CAMK4: variants seen among roughly 807,000 people sequenced by gnomAD.
CAMK4 encodes the protein calcium/calmodulin dependent protein kinase IV, also known as calcium/calmodulin-dependent protein kinase type IV.
CAMK4 carries 22 observed loss-of-function variants against 44.9 expected under a neutral mutation model. The ratio of observed to expected loss-of-function variants is 0.49; its 90% CI spans 0.35 to 0.70. The LOEUF (loss-of-function observed/expected upper bound fraction) is 0.70. Ranked by LOEUF, CAMK4 falls within the 30% of genes least tolerant of loss-of-function variation. CAMK4 has a pLI of 0.01. For synonymous variants in CAMK4, 218 were observed against 215.4 expected (o/e 1.01, Z -0.11); for missense variants, 498 against 586.8 (o/e 0.85, Z 1.56).
chr5:111,416,661 G>C (rs1297707537), intron 5 of CAMK4: 8 of 152,174 alleles, frequency 5.3e-5, no homozygotes, highest in Admixed American at 5.2e-4. Context: ...TGCTGTGAAA[G>C]TCATTGAGTT....
At chr5:111,357,929 G>A (rs912337417) in intron 2 of CAMK4, 1 of 152,022 alleles carries the variant, frequency 6.6e-6, no homozygotes, top group Non-Finnish European at 1.5e-5. Flanking sequence ...CTAGAACTCA[G>A]GGCTTTTGAA....
rs549622534 is a variant in CAMK4 at position 111,290,617 on chromosome 5, C to A, written c.162-53407C>A. 1.3e-5 allele frequency among the ~76,000 whole-genome samples: 2 copies of A among 152,248 alleles called. No homozygotes were observed. The highest frequency in any genetic ancestry group is 4.1e-4 in the South Asian group (2 of 4,826). ...AAGGGGAACGTTTTGTTCAGTGACT[C>A]TTGAGCTGGGCACAGACAAGCACTA... On this transcript the variant is annotated intron_variant, in intron 1 of 10. Transcript: ENST00000282356. This position sits in a 1 kb window ranked among gnomAD's most constrained non-coding sequence, Gnocchi z 4.5.
intron 5 of CAMK4, among the ~76,000 whole-genome samples, chr5:111,428,838 C>T (rs575625783): frequency 1.1e-4 from 16 of 152,008 alleles, no homozygotes; most frequent in Admixed American, 1.0e-3. Flanking sequence ...TATCAATATC[C>T]AAGTACAAGG....
intron 2 of CAMK4, among the ~76,000 whole-genome samples, chr5:111,345,656 T>TA (rs1434195029): frequency 1.3e-5 from 2 of 151,906 alleles, no homozygotes; most frequent in African/African-American, 4.8e-5. Context: ...AGGAAATAAA[T>TA]ACTTAGAAAT....
chr5:111,418,954 AC>A (rs1580726798), intron 5 of CAMK4, among the ~76,000 whole-genome samples: 1 of 152,086 alleles, frequency 6.6e-6, no homozygotes. Context: ...TTGGGTATAT[AC>A]CCAGTAATGG....
At chr5:111,411,424 G>A (rs1207632709) in intron 5 of CAMK4, among the ~76,000 whole-genome samples, 2 of 152,226 alleles carry the variant, frequency 1.3e-5, no homozygotes, top group Non-Finnish European at 2.9e-5. Flanking sequence ...TTAGTTCTAA[G>A]AGTTGTCAAT....
chr5:111,424,230 G>GA lies in CAMK4; in HGVS notation c.460-22449dup, dbSNP rs892362493. Among the ~76,000 whole-genome samples the GA allele has an allele frequency of 5.3e-5, 8 of 152,062 alleles. No homozygotes were observed. In the East Asian group the frequency reaches 7.7e-4, roughly 15 times the overall value. On this transcript the variant is annotated intron_variant, in intron 5 of 10. Coordinates refer to ENST00000282356, the MANE Select transcript of CAMK4 (RefSeq NM_001744.6). Reference sequence around the variant, plus strand: ...ATCCATTTTAAAAGTCACATAGCAGGAAAAAAAGTCATACACCTTTAAAAG... The same window carrying GA: ...ATCCATTTTAAAAGTCACATAGCAGGAAAAAAAAGTCATACACCTTTAAAAG...
chr5:111,334,894 A>G (rs1749331613), intron 1 of CAMK4, among the ~76,000 whole-genome samples: 1 of 151,576 alleles, frequency 6.6e-6, no homozygotes, highest in Non-Finnish European at 1.5e-5. Context: ...AGCATCTTCA[A>G]CATTAGAAAA....
chr5:111,337,727 A>G (rs1008095012), intron 1 of CAMK4, among the ~76,000 whole-genome samples: 5 of 151,140 alleles, frequency 3.3e-5, no homozygotes, highest in African/African-American at 1.2e-4. Context: ...GGTCATTGGC[A>G]CTAGTAAGGT....
At chr5:111,327,380 T>G (rs1481095557) in intron 1 of CAMK4, among the ~76,000 whole-genome samples, 1 of 152,136 alleles carries the variant, frequency 6.6e-6, no homozygotes, top group African/African-American at 2.4e-5. Flanking sequence ...GGTGTATATG[T>G]GCCACATTTT....
intron 5 of CAMK4, among the ~76,000 whole-genome samples, chr5:111,433,243 T>C (rs1753525822): frequency 6.6e-6 from 1 of 152,172 alleles, no homozygotes. Context: ...CTCAAAGGTT[T>C]AAAAGGGCTT....
At chr5:111,393,647 CAT>C (rs1751890503) in intron 4 of CAMK4, among the ~76,000 whole-genome samples, 2 of 152,082 alleles carry the variant, frequency 1.3e-5, no homozygotes, top group Admixed American at 1.3e-4. Flanking sequence ...CCAAATACCA[CAT>C]GTTCTCACTA....
In CAMK4 at chr5:111,406,194, TTCTCTC is replaced by T. The variant is rs10524853; in HGVS notation, c.459+11437_459+11442del. On this transcript the variant is annotated intron_variant, in intron 5 of 10. Transcript: ENST00000282356. ...TCCTGTTTCCTTCTCCTAATTTATT[TTCTCTC>T]TCTCTCTCTCTCTCTCTCTCTCTCG... is the stretch of plus-strand genomic sequence containing the variant. Among the ~76,000 whole-genome samples, 1,188 of 136,848 alleles carry T rather than the reference TTCTCTC, an allele frequency of 8.7e-3. 17 individuals carry two copies. Among genetic ancestry groups the T allele is most frequent in the African/African-American group, 0.031 (1,087 of 35,280 alleles). The allele number at this position is 136,848 out of a possible 152,430, so 89.8% of individuals were successfully genotyped here. A position where few individuals can be genotyped will look rare whatever the true frequency, so the allele number is the denominator to read the frequency against.
chr5:111,402,472 CTGAG>C (rs1248263195), intron 5 of CAMK4, among the ~76,000 whole-genome samples: 3 of 152,198 alleles, frequency 2.0e-5, no homozygotes, highest in Non-Finnish European at 2.9e-5. Context: ...GTATTTAGTA[CTGAG>C]TGTTATGCTT....
chr5:111,352,883 A>G (rs567320196), intron 2 of CAMK4, among the ~76,000 whole-genome samples: 1 of 151,992 alleles, frequency 6.6e-6, no homozygotes, highest in African/African-American at 2.4e-5. Flanking sequence ...ACACAGACAA[A>G]CCATACCACT....
chr5:111,316,605 C>T (rs77053221), intron 1 of CAMK4, among the ~76,000 whole-genome samples: 2,739 of 152,048 alleles, frequency 0.018, 81 homozygotes, highest in African/African-American at 0.062. Context: ...CCTCTACAGG[C>T]GTAGAGATAG....
chr5:111,418,889 G>A (rs1213109674), intron 5 of CAMK4, among the ~76,000 whole-genome samples: 6 of 152,096 alleles, frequency 3.9e-5, no homozygotes, highest in Non-Finnish European at 8.8e-5. Flanking sequence ...TGTGAATAGT[G>A]CCGCAATAAA....
rs180765898 is a variant in CAMK4, at chr5:111,288,475, T to C, written c.162-55549T>C. 6.1e-4 allele frequency among the ~76,000 whole-genome samples: 93 copies of C among 152,364 alleles called. 1 individual carries two copies. The East Asian group carries it at 0.017, about 28-fold the overall frequency. ...CTCACATCTTTGCCATATCACACTA[T>C]TTTGAGACATTGCCTGACATTTTAA... On this transcript the variant is annotated intron_variant, in intron 1 of 10. Transcript: ENST00000282356.
Position 111,398,337 on chromosome 5 carries a change from G to A in CAMK4, c.459+3555G>A, listed in dbSNP as rs77462134. Among the ~76,000 whole-genome samples the A allele has an allele frequency of 5.2e-3, 796 of 152,274 alleles. 8 individuals are homozygous for A. The highest frequency in any genetic ancestry group is 0.018 in the African/African-American group (735 of 41,570). ...CAGCTGTGGATGGGGTGTGAATTGT[G>A]CAGTATAAATGTGGCTGGCCAGGAC... On this transcript the variant is annotated intron_variant, in intron 5 of 10. Transcript: ENST00000282356.
Sources: gnomAD v4.1 joint callset for allele counts (sites outside exome capture counted in the v4.1 genomes callset) on GRCh38, gnomAD v4.1.1 for gene constraint, Gnocchi (gnomAD v3.1) non-coding constraint, MANE v1.5 for transcripts, NCBI Gene and HGNC (gene_info 2026-07-23, HGNC 2026-07-21) for gene names.